FBXL7: variants seen among roughly 807,000 people sequenced by gnomAD.
FBXL7 encodes F-box/LRR-repeat protein 7.
A neutral mutation model predicts 38.3 loss-of-function variants in FBXL7; 12 were observed. That is an observed-to-expected ratio of 0.31 (90% confidence interval 0.20 to 0.51). The LOEUF is 0.51. FBXL7 is among the 20% of genes least tolerant of loss of function. The probability of loss-of-function intolerance (pLI) is 0.98; values close to 1 mark genes in which losing one functional copy is unlikely to be tolerated. For missense variants in FBXL7, 567 were observed against 676.4 expected (o/e 0.84, Z 1.79); for synonymous variants, 297 against 300.9 (o/e 0.99, Z 0.13).
chr5:15,897,276 A>T (rs1029907725), intron 2 of FBXL7, among the ~76,000 whole-genome samples: 2 of 152,240 alleles, frequency 1.3e-5, no homozygotes, highest in South Asian at 2.1e-4. Flanking sequence ...AGATAGAAAG[A>T]AAGATTTTAA....
intron 2 of FBXL7, among the ~76,000 whole-genome samples, chr5:15,790,697 T>C (rs762166840): frequency 3.3e-5 from 5 of 152,150 alleles, no homozygotes; most frequent in Non-Finnish European, 5.9e-5. Flanking sequence ...ACCTGATGTT[T>C]AGAGCAGCTT....
At chr5:15,869,092 T>C (rs1458390068) in intron 2 of FBXL7, among the ~76,000 whole-genome samples, 4 of 152,134 alleles carry the variant, frequency 2.6e-5, no homozygotes, top group Non-Finnish European at 5.9e-5. Context: ...TGGTTGGGGG[T>C]GAACTCAGTT....
intron 2 of FBXL7, among the ~76,000 whole-genome samples, chr5:15,841,937 G>A (rs564013265): frequency 2.6e-5 from 4 of 152,362 alleles, no homozygotes; most frequent in Admixed American, 2.0e-4. Flanking sequence ...TTTCAGGGGC[G>A]GAGCCCTCAT....
At chr5:15,568,614 T>G (rs1164516931) in intron 1 of FBXL7, among the ~76,000 whole-genome samples, 4 of 151,658 alleles carry the variant, frequency 2.6e-5, no homozygotes, top group African/African-American at 9.7e-5. Flanking sequence ...TTTGTCAATT[T>G]TGGCTTTTGT....
At chr5:15,709,085 A>G (rs926562072) in intron 2 of FBXL7, among the ~76,000 whole-genome samples, 17 of 152,124 alleles carry the variant, frequency 1.1e-4, no homozygotes, top group African/African-American at 4.1e-4. Context: ...TTCCACTGAG[A>G]GCACATTCTT....
intron 2 of FBXL7, among the ~76,000 whole-genome samples, chr5:15,643,555 A>G (rs1363459660): frequency 6.6e-6 from 1 of 152,178 alleles, no homozygotes; most frequent in Non-Finnish European, 1.5e-5. Context: ...AGGGTTGGAA[A>G]TGTGGGTGGA....
intron 3 of FBXL7, among the ~76,000 whole-genome samples, chr5:15,930,936 G>C (rs1395072718): frequency 6.6e-6 from 1 of 152,182 alleles, no homozygotes; most frequent in Admixed American, 6.5e-5. Flanking sequence ...ATTATGGCTG[G>C]TTCTCTTTAG....
chr5:15,507,948 C>T (rs543492379), intron 1 of FBXL7, among the ~76,000 whole-genome samples: 14 of 152,030 alleles, frequency 9.2e-5, no homozygotes, highest in Non-Finnish European at 1.9e-4. Flanking sequence ...GAGGCAGAGG[C>T]AGGAGAATCA....
At chr5:15,738,341 A>G (rs1012712381) in intron 2 of FBXL7, among the ~76,000 whole-genome samples, 7 of 152,152 alleles carry the variant, frequency 4.6e-5, no homozygotes. Context: ...ATTTGTAACT[A>G]TTTTCCAAAA....
chr5:15,735,116 A>G (rs897271010), intron 2 of FBXL7, among the ~76,000 whole-genome samples: 14 of 152,250 alleles, frequency 9.2e-5, no homozygotes, highest in African/African-American at 3.1e-4. Flanking sequence ...TATTTTTAGT[A>G]GAAACAGAGT....
At chr5:15,696,546 C>T (rs1008721088) in intron 2 of FBXL7, among the ~76,000 whole-genome samples, 16 of 152,130 alleles carry the variant, frequency 1.1e-4, no homozygotes, top group African/African-American at 3.9e-4. Flanking sequence ...AAAACGAATT[C>T]TCCCATTATA....
chr5:15,728,318 C>T (rs1320886102), intron 2 of FBXL7, among the ~76,000 whole-genome samples: 1 of 152,024 alleles, frequency 6.6e-6, no homozygotes, highest in Non-Finnish European at 1.5e-5. Context: ...ACATCTGAAT[C>T]TAATAATACC....
At chr5:15,827,217 C>T (rs937034270) in intron 2 of FBXL7, among the ~76,000 whole-genome samples, 1 of 152,052 alleles carries the variant, frequency 6.6e-6, no homozygotes, top group African/African-American at 2.4e-5. Context: ...TTTAAATTCT[C>T]TCAATGTGGT....
intron 2 of FBXL7, among the ~76,000 whole-genome samples, chr5:15,687,444 A>G (rs1232417723): frequency 6.6e-6 from 1 of 152,186 alleles, no homozygotes; most frequent in Non-Finnish European, 1.5e-5. Flanking sequence ...TTCTCCATCA[A>G]AGAGGCCCAC....
chr5:15,703,745 G>C (rs748970316), intron 2 of FBXL7, among the ~76,000 whole-genome samples: 14 of 152,138 alleles, frequency 9.2e-5, no homozygotes, highest in Non-Finnish European at 1.6e-4. Context: ...TGACGTCTCT[G>C]ATTCAAAATG....
chr5:15,603,769 T>G (rs1165448739), intron 1 of FBXL7, among the ~76,000 whole-genome samples: 3 of 152,186 alleles, frequency 2.0e-5, no homozygotes, highest in Non-Finnish European at 4.4e-5. Flanking sequence ...AAGTACCAGT[T>G]AGGACATTCA....
intron 2 of FBXL7, among the ~76,000 whole-genome samples, chr5:15,857,090 A>C (rs1292221381): frequency 4.6e-5 from 7 of 152,200 alleles, no homozygotes; most frequent in Admixed American, 2.6e-4. Flanking sequence ...CTCCCATGGC[A>C]CTGCCGCAGG....
intron 2 of FBXL7, among the ~76,000 whole-genome samples, chr5:15,774,854 G>A (rs566952460): frequency 2.0e-5 from 3 of 152,200 alleles, no homozygotes; most frequent in South Asian, 2.1e-4. Flanking sequence ...AGATACTAAG[G>A]TTGTTTCTCT....
intron 1 of FBXL7, among the ~76,000 whole-genome samples, chr5:15,566,203 G>A (rs575024965): frequency 6.6e-6 from 1 of 152,102 alleles, no homozygotes; most frequent in Non-Finnish European, 1.5e-5. Context: ...AGAGAGAAGA[G>A]GGTGGGGTTC....
Sources: allele counts gnomAD v4.1 joint callset (sites outside exome capture counted in the v4.1 genomes callset), GRCh38; gene constraint gnomAD v4.1.1; transcripts MANE v1.5; gene names NCBI Gene and HGNC (gene_info 2026-07-23, HGNC 2026-07-21).